Variants in DPP10 observed in about 807,000 individuals in gnomAD.
DPP10 encodes the protein dipeptidyl peptidase like 10.
In DPP10, 33 loss-of-function variants were observed where a neutral mutation model predicts 120.9. That is an observed-to-expected ratio of 0.27 (90% CI 0.21 to 0.37). DPP10 has a LOEUF of 0.37. Ranked by LOEUF, DPP10 falls within the 10% of genes least tolerant of loss-of-function variation. The pLI is 1.00. For missense variants in DPP10, 816 were observed against 942.8 expected, an observed-to-expected ratio of 0.87 and a Z score of 1.76; for synonymous variants, 337 against 326.1, an observed-to-expected ratio of 1.03 and a Z score of -0.36.
intron 1 of DPP10, among the ~76,000 whole-genome samples, chr2:114,913,041 C>A (rs1694494742): frequency 6.6e-6 from 1 of 152,126 alleles, no homozygotes; most frequent in Admixed American, 6.5e-5. Context: ...GATATGAGTA[C>A]CCCTCTGTCT....
intron 1 of DPP10, among the ~76,000 whole-genome samples, chr2:114,671,009 G>A (rs992089420): frequency 6.6e-6 from 1 of 152,098 alleles, no homozygotes; most frequent in African/African-American, 2.4e-5. Flanking sequence ...CAAGATGAAA[G>A]ACCCTTAAAG....
intron 5 of DPP10, among the ~76,000 whole-genome samples, chr2:115,592,630 C>T (rs2082736222): frequency 6.6e-6 from 1 of 152,088 alleles, no homozygotes; most frequent in Non-Finnish European, 1.5e-5. Context: ...GTGGCTTGTG[C>T]CTGTAGTCCC....
chr2:115,077,207 T>C (rs942399928), intron 1 of DPP10, among the ~76,000 whole-genome samples: 2 of 152,198 alleles, frequency 1.3e-5, no homozygotes, highest in African/African-American at 4.8e-5. Flanking sequence ...AATATATAAC[T>C]CTATATAATC....
chr2:114,477,912 T>TATGTGTATATATGTAC (rs1558794961), intron 1 of DPP10, among the ~76,000 whole-genome samples: 10 of 149,666 alleles, frequency 6.7e-5, no homozygotes, highest in South Asian at 2.1e-4. Flanking sequence ...TATATGTACA[T>TATGTGTATATATGTAC]ATATGTGTAT....
chr2:115,274,570 G>A (rs2059832704), intron 1 of DPP10, among the ~76,000 whole-genome samples: 1 of 152,160 alleles, frequency 6.6e-6, no homozygotes, highest in African/African-American at 2.4e-5. Context: ...ACACAGCGGA[G>A]GCTTTGATTA....
intron 1 of DPP10, among the ~76,000 whole-genome samples, chr2:114,815,972 T>A (rs996435752): frequency 1.3e-5 from 2 of 152,244 alleles, no homozygotes; most frequent in African/African-American, 4.8e-5. Context: ...AAAAGCTATC[T>A]ATGAAGACAC....
chr2:115,496,414 C>A (rs2148771309), intron 3 of DPP10, among the ~76,000 whole-genome samples: 1 of 151,912 alleles, frequency 6.6e-6, no homozygotes, highest in East Asian at 1.9e-4. Context: ...AATAATTATC[C>A]AAGAAAATTG....
chr2:115,816,015 G>A (rs115264775), intron 21 of DPP10, among the ~76,000 whole-genome samples: 1,963 of 151,088 alleles, frequency 0.013, 46 homozygotes, highest in African/African-American at 0.043. Flanking sequence ...TAATTCCTCT[G>A]TATTATCCTT....
chr2:115,499,656 CT>C, intron 4 of DPP10, 52 bp downstream of exon 4: 1 of 1,378,034 alleles, frequency 7.3e-7, no homozygotes, highest in Non-Finnish European at 1.0e-6. Context: ...GTTTAGAAAG[CT>C]CTCTAGATGT....
intron 1 of DPP10, among the ~76,000 whole-genome samples, chr2:114,763,852 C>T (rs1191369485): frequency 1.3e-5 from 2 of 152,126 alleles, no homozygotes; most frequent in African/African-American, 4.8e-5. Flanking sequence ...CTCTTTCCTC[C>T]ATCCTCTGTT....
intron 1 of DPP10, among the ~76,000 whole-genome samples, chr2:114,807,910 T>C (rs1013884818): frequency 7.9e-5 from 12 of 152,198 alleles, no homozygotes; most frequent in Non-Finnish European, 1.6e-4. Context: ...CATTTACATG[T>C]CCAGCAGCTG....
chr2:115,122,096 A>G (rs927210411), intron 1 of DPP10, among the ~76,000 whole-genome samples: 1 of 152,194 alleles, frequency 6.6e-6, no homozygotes, highest in Non-Finnish European at 1.5e-5. Context: ...TTTTTCCTGC[A>G]CTTATGGCAG....
chr2:115,692,940 T>C (rs892620512), intron 7 of DPP10, among the ~76,000 whole-genome samples: 6 of 152,120 alleles, frequency 3.9e-5, no homozygotes, highest in African/African-American at 1.4e-4. Flanking sequence ...AGGTTTCCTT[T>C]CATTGGAAAA....
At chr2:114,830,288 C>T (rs937072926) in intron 1 of DPP10, among the ~76,000 whole-genome samples, 1 of 152,152 alleles carries the variant, frequency 6.6e-6, no homozygotes, top group African/African-American at 2.4e-5. Flanking sequence ...ATCCCATCTA[C>T]ACCGAGATTC....
chr2:114,443,041 TC>T (rs1465231567), intron 1 of DPP10, among the ~76,000 whole-genome samples: 1 of 151,952 alleles, frequency 6.6e-6, no homozygotes, highest in African/African-American at 2.4e-5. Flanking sequence ...ACTTCTTTCA[TC>T]TTCATGACTT....
chr2:114,527,370 C>T (rs566844422), intron 1 of DPP10, among the ~76,000 whole-genome samples: 1 of 152,298 alleles, frequency 6.6e-6, no homozygotes, highest in South Asian at 2.1e-4. Context: ...AGCTTTTTTA[C>T]AGAATCCCAG....
intron 5 of DPP10, among the ~76,000 whole-genome samples, chr2:115,687,939 C>A (rs1265543540): frequency 6.6e-6 from 1 of 151,886 alleles, no homozygotes; most frequent in African/African-American, 2.4e-5. Flanking sequence ...ACCCTCTTTC[C>A]CCCCACGATA....
At chr2:115,468,958 T>G in intron 3 of DPP10, 1 of 12,562 alleles carries the variant, frequency 8.0e-5, no homozygotes, top group Non-Finnish European at 9.7e-4. Flanking sequence ...TCATAGATAC[T>G]TTTTTTTTTT....
At chr2:115,692,332 G>C (rs975290057) in intron 7 of DPP10, among the ~76,000 whole-genome samples, 3 of 151,778 alleles carry the variant, frequency 2.0e-5, no homozygotes, top group Non-Finnish European at 4.4e-5. Flanking sequence ...TATATGACAG[G>C]AACAATGTTC....
Sources: gnomAD v4.1 joint callset for allele counts (sites outside exome capture counted in the v4.1 genomes callset) on GRCh38, gnomAD v4.1.1 for gene constraint, MANE v1.5 for transcripts, NCBI Gene and HGNC (gene_info 2026-07-23, HGNC 2026-07-21) for gene names.